The following SPPL2A variants were observed in gnomAD, a reference collection of about 807,000 sequenced individuals.
The protein encoded by SPPL2A is signal peptide peptidase-like 2A.
SPPL2A carries 51 observed loss-of-function variants against 63.8 expected under a neutral mutation model. That is an observed-to-expected ratio of 0.80 (90% CI 0.64 to 1.01). The LOEUF (loss-of-function observed/expected upper bound fraction) is 1.01, where lower values mean the gene tolerates loss of function less well. Among genes scored for constraint, SPPL2A ranks in the 50% least tolerant of loss-of-function variants. SPPL2A has a pLI of 0.00. For synonymous variants in SPPL2A, 188 were observed against 205.8 expected, an observed-to-expected ratio of 0.91 and a Z score of 0.74; for missense variants, 553 against 622.7, an observed-to-expected ratio of 0.89 and a Z score of 1.19.
intron 12 of SPPL2A, among the ~76,000 whole-genome samples, chr15:50,723,922 AT>A (rs1280288643): frequency 2.0e-5 from 3 of 152,162 alleles, no homozygotes; most frequent in African/African-American, 7.2e-5. Flanking sequence ...CTTTGGAGAA[AT>A]ATTTTTGTTT....
chr15:50,719,473 G>A (rs1453229263), intron 14 of SPPL2A, among the ~76,000 whole-genome samples: 3 of 152,130 alleles, frequency 2.0e-5, no homozygotes, highest in Non-Finnish European at 4.4e-5. Context: ...TCGAACTCCT[G>A]TCCTCAGGTG....
rs1048625451 is a variant in SPPL2A at position 50,748,857 on chromosome 15, A to G, written c.191T>C (p.Leu64Ser). The change falls in exon 3 of 15, where the codon TTG becomes TCG. Residue 64 changes from leucine to serine, a missense_variant. Transcript: ENST00000261854. ...TAGTGGTGTGGAAGTCAGATTCATC[A>G]AACTAATGGAAGTCTGAAAATAAGA... Reference protein sequence around the residue: ...STLENATSISLMNLTSTPLCN... With the variant: ...STLENATSISSMNLTSTPLCN... 1 of 1,571,274 alleles carries G rather than the reference A, an allele frequency of 6.4e-7. No individual in the cohort carries two copies. The highest frequency in any genetic ancestry group is 8.6e-7 in the Non-Finnish European group (1 of 1,162,960).
At chr15:50,722,342 A>G in intron 12 of SPPL2A, 141 bp from the exon 13 acceptor site, 2 of 545,034 alleles carry the variant, frequency 3.7e-6, no homozygotes, top group Non-Finnish European at 6.5e-6. Flanking sequence ...TTCTTGACAA[A>G]ATTTTATATG....
intron 1 of SPPL2A, among the ~76,000 whole-genome samples, chr15:50,757,876 C>CG (rs2062973941): frequency 6.6e-6 from 1 of 150,724 alleles, no homozygotes; most frequent in Admixed American, 6.6e-5. Flanking sequence ...CCCAGCTACT[C>CG]GGGAGGCTGA....
chr15:50,723,532 G>C (rs534140017), intron 12 of SPPL2A, among the ~76,000 whole-genome samples: 110 of 152,252 alleles, frequency 7.2e-4, no homozygotes, highest in African/African-American at 2.5e-3. Context: ...TCAGAGTGCA[G>C]TGGTGTGATC....
At chr15:50,722,677 G>A (rs549959331) in intron 12 of SPPL2A, among the ~76,000 whole-genome samples, 63 of 152,158 alleles carry the variant, frequency 4.1e-4, no homozygotes, top group African/African-American at 1.4e-3. Context: ...GGGTGGTCTC[G>A]ATCTCCTGAC....
Position 50,720,027 on chromosome 15 carries a change from ATAGAGGAGAGCAGG to A in SPPL2A, c.1387_1400del (p.Pro463PhefsTer17), listed in dbSNP as rs2062631935. The A allele has an allele frequency of 6.2e-7, 1 of 1,613,552 alleles. No individual in the cohort carries two copies. The highest frequency in any genetic ancestry group is 1.1e-5 in the South Asian group (1 of 91,060). On this transcript the variant is annotated frameshift_variant, in exon 14 of 15. Coordinates refer to ENST00000261854, the MANE Select transcript of SPPL2A (RefSeq NM_032802.4). LOFTEE classifies it high-confidence loss of function. ...CAGTAATAAGTGTGCAAGGTACTAA[ATAGAGGAGAGCAGG>A]TTGCCCCTTTTTCATCAGCACCAGA...
intron 1 of SPPL2A, among the ~76,000 whole-genome samples, chr15:50,758,906 C>G (rs2062985121): frequency 6.6e-6 from 1 of 151,850 alleles, no homozygotes; most frequent in Non-Finnish European, 1.5e-5. Flanking sequence ...ATCTATCTAT[C>G]TATCTATCTA....
At chr15:50,747,360 G>A in intron 5 of SPPL2A, 135 bp downstream of exon 5, 1 of 716,770 alleles carries the variant, frequency 1.4e-6, no homozygotes, top group Non-Finnish European at 2.4e-6. Flanking sequence ...TCTACATGAG[G>A]ACAAACCTGC....
chr15:50,757,089 C>CTTTCTTTCTTTTTTT (rs537107994), intron 1 of SPPL2A, among the ~76,000 whole-genome samples: 1 of 128,372 alleles, frequency 7.8e-6, no homozygotes, highest in African/African-American at 3.1e-5. Flanking sequence ...TAAATCCTTT[C>CTTTCTTTCTTTTTTT]TTTTTTTTTT....
chr15:50,743,846 T>C (rs974201392), intron 5 of SPPL2A, among the ~76,000 whole-genome samples: 5 of 152,150 alleles, frequency 3.3e-5, no homozygotes, highest in African/African-American at 1.2e-4. Context: ...AAAATGATTT[T>C]AGAGATATGG....
chr15:50,749,761 A>G lies in SPPL2A; in HGVS notation c.67-15T>C, dbSNP rs2062892351. 1.3e-6 allele frequency: 2 copies of G among 1,524,496 alleles called. No homozygotes were observed. Among genetic ancestry groups the G allele is most frequent in the Non-Finnish European group, 1.8e-6 (2 of 1,098,374 alleles). 94.4% of individuals were successfully genotyped at this position (1,524,496 alleles called of 1,614,324 possible). A position where few individuals can be genotyped will look rare whatever the true frequency, so the allele number is the denominator to read the frequency against. ...TGAGCGGCTGTCTAGGAGACAAACA[A>G]TAACTTTCAAACTTGCAATGTTATG... On this transcript the variant is annotated splice_polypyrimidine_tract_variant and intron_variant, in intron 1 of 14. Coordinates refer to ENST00000261854, the MANE Select transcript of SPPL2A (RefSeq NM_032802.4).
rs540771009 is a variant in SPPL2A, at chr15:50,704,389, G to A, written c.*3411C>T. The A allele has an allele frequency of 6.8e-6, 1 of 147,480 alleles. No individual in the cohort carries two copies. Among genetic ancestry groups the A allele is most frequent in the African/African-American group, 2.5e-5 (1 of 40,406 alleles). 9.1% of individuals were successfully genotyped at this position (147,480 alleles called of 1,614,324 possible). ...TCTACAAGCTAGAAGAAAATATAAT[G>A]TATTAGAATATCAAGGTCTTTCCCC... On this transcript the variant is annotated 3_prime_UTR_variant, in exon 15 of 15. Transcript: ENST00000261854.
chr15:50,764,054 G>C (rs1228531564), intron 1 of SPPL2A, among the ~76,000 whole-genome samples: 1 of 152,142 alleles, frequency 6.6e-6, no homozygotes, highest in African/African-American at 2.4e-5. Context: ...AGAGGGCTCA[G>C]GGCCTTTAAT....
intron 14 of SPPL2A, among the ~76,000 whole-genome samples, chr15:50,718,982 G>C (rs966028207): frequency 2.0e-5 from 3 of 152,062 alleles, no homozygotes; most frequent in African/African-American, 7.2e-5. Flanking sequence ...GAAGGGGTCA[G>C]TGCCATGGCC....
rs1341163946 is a variant in SPPL2A at position 50,748,701 on chromosome 15, T to C, written c.347A>G (p.Asn116Ser). 4.4e-6 allele frequency: 7 copies of C among 1,596,194 alleles called. No homozygotes were observed. Among genetic ancestry groups the C allele is most frequent in the East Asian group, 2.3e-5 (1 of 44,238 alleles). Reference sequence around the variant, plus strand: ...TTTATAACTTACTAGGACACTGTTATTGACAACTAACATTGCTTCAGCACC... The same window carrying C: ...TTTATAACTTACTAGGACACTGTTACTGACAACTAACATTGCTTCAGCACC... ...KGGAEAMLVV[N>S]NSVLFPPSGN... The change falls in exon 3 of 15, where the codon AAT becomes AGT. Residue 116 changes from asparagine (N) to serine (S), a missense_variant. Transcript: ENST00000261854.
chr15:50,728,677 T>G (rs2062706649), intron 10 of SPPL2A, among the ~76,000 whole-genome samples: 2 of 151,692 alleles, frequency 1.3e-5, no homozygotes, highest in Middle Eastern at 3.2e-3. Flanking sequence ...GGAGTCTCAC[T>G]CTGTTGCCCA....
chr15:50,707,837 T>G lies in SPPL2A; in HGVS notation c.1526A>C (p.Asn509Thr). The G allele has an allele frequency of 6.3e-7, 1 of 1,597,296 alleles. No homozygotes were observed. Among genetic ancestry groups the G allele is most frequent in the East Asian group, 2.2e-5 (1 of 44,762 alleles). The change falls in exon 15 of 15, where the codon AAC becomes ACC. Residue 509 changes from asparagine (N) to threonine (T), a missense_variant. Transcript: ENST00000261854. ...DHLDCATNEE[N>T]PVISGEQIVQ... The stretch of plus-strand genomic sequence containing the variant: ...AATCTGTTCACCAGATATCACAGGG[T>G]TTTCTTCATTTGTTGCACAATCCAA...
chr15:50,752,858 G>A (rs1039458259), intron 1 of SPPL2A, among the ~76,000 whole-genome samples: 1 of 152,110 alleles, frequency 6.6e-6, no homozygotes, highest in African/African-American at 2.4e-5. Flanking sequence ...TCCTTGTGGA[G>A]AGGAAAGATA....
Sources: gnomAD v4.1 joint callset for allele counts (sites outside exome capture counted in the v4.1 genomes callset) on GRCh38, gnomAD v4.1.1 for gene constraint, MANE v1.5 for transcripts, NCBI Gene and HGNC (gene_info 2026-07-23, HGNC 2026-07-21) for gene names.